Variants in UBE2D3 observed in about 807,000 individuals in gnomAD.
UBE2D3 encodes the protein ubiquitin conjugating enzyme E2 D3, also known as ubiquitin-conjugating enzyme E2 D3.
UBE2D3 carries 2 observed loss-of-function variants against 22.8 expected under a neutral mutation model. That is an observed-to-expected ratio of 0.09 (90% confidence interval 0.04 to 0.28). The LOEUF is 0.28. Ranked by LOEUF, UBE2D3 falls within the 10% of genes least tolerant of loss-of-function variation. The pLI is 1.00. For synonymous variants in UBE2D3, 56 were observed against 60.4 expected, an observed-to-expected ratio of 0.93 and a Z score of 0.34; for missense variants, 27 against 182.5, an observed-to-expected ratio of 0.15 and a Z score of 4.91.
At chr4:102,858,578 G>T (rs893574783) in intron 1 of UBE2D3, among the ~76,000 whole-genome samples, 1 of 151,690 alleles carries the variant, frequency 6.6e-6, no homozygotes, top group Non-Finnish European at 1.5e-5. Flanking sequence ...AGTCATTTTC[G>T]ACTTTAAAAA....
At position 102,851,187 on chromosome 4, in the gene UBE2D3, T is replaced by G. The variant is rs1050503062; in HGVS notation, c.-129+17528A>C. Among the ~76,000 whole-genome samples the G allele has an allele frequency of 2.6e-5, 4 of 152,278 alleles. No individual in the cohort carries two copies. In the East Asian group the frequency reaches 7.7e-4, roughly 29 times the overall value. On this transcript the variant is annotated intron_variant, in intron 1 of 7. Transcript: ENST00000338145. ...GTTCATGCATCTTTGCAATGTGCTTTTGCCACTTTTCCCATCAAAGGCTTT... is the reference window on the plus strand; with the variant it reads ...GTTCATGCATCTTTGCAATGTGCTTGTGCCACTTTTCCCATCAAAGGCTTT...
chr4:102,800,223 C>T (rs994317900), intron 6 of UBE2D3, among the ~76,000 whole-genome samples: 1 of 151,532 alleles, frequency 6.6e-6, no homozygotes, highest in African/African-American at 2.4e-5. Flanking sequence ...TGGTTCTGAC[C>T]GATTTTTTTT....
At chr4:102,840,368 A>G (rs1261375917) in intron 1 of UBE2D3, among the ~76,000 whole-genome samples, 1 of 152,272 alleles carries the variant, frequency 6.6e-6, no homozygotes, top group Non-Finnish European at 1.5e-5. Context: ...ACCTATGCAC[A>G]ATGAATACTA....
chr4:102,809,911 A>AGTCC, intron 2 of UBE2D3, 56 bp from the exon 3 acceptor site: 1 of 393,198 alleles, frequency 2.5e-6, no homozygotes, highest in Non-Finnish European at 3.3e-6. Flanking sequence ...GAAAACAAGC[A>AGTCC]AATGAGTCCA....
At chr4:102,818,466 CTTCT>C (rs1282312419) in intron 2 of UBE2D3, among the ~76,000 whole-genome samples, 3 of 152,136 alleles carry the variant, frequency 2.0e-5, no homozygotes, top group Non-Finnish European at 2.9e-5. Context: ...ACCCCTCTGC[CTTCT>C]TTCTAAGCTA....
intron 2 of UBE2D3, chr4:102,813,065 T>C (rs1213832297): frequency 1.3e-5 from 2 of 152,212 alleles, no homozygotes; most frequent in Non-Finnish European, 2.9e-5. Context: ...GTACTACCTT[T>C]AAAAATGTTA....
chr4:102,842,679 G>T (rs1316395825), intron 1 of UBE2D3, among the ~76,000 whole-genome samples: 1 of 152,164 alleles, frequency 6.6e-6, no homozygotes, highest in Non-Finnish European at 1.5e-5. Context: ...AAAGGCACTT[G>T]TTAGTGACAA....
At chr4:102,835,710 G>A (rs1336075774) in intron 1 of UBE2D3, among the ~76,000 whole-genome samples, 1 of 152,132 alleles carries the variant, frequency 6.6e-6, no homozygotes, top group East Asian at 1.9e-4. Context: ...GTTTTTAACA[G>A]CTTTATTGAA....
intron 4 of UBE2D3, chr4:102,808,967 TTCAGGAAGATACA>T (rs958321611): frequency 2.5e-5 from 4 of 157,982 alleles, no homozygotes; most frequent in African/African-American, 9.6e-5. Context: ...GAAGACAGTT[TTCAGGAAGATACA>T]CATGTAACTT....
intron 1 of UBE2D3, among the ~76,000 whole-genome samples, chr4:102,860,116 G>A (rs1223377313): frequency 6.6e-6 from 1 of 151,988 alleles, no homozygotes; most frequent in African/African-American, 2.4e-5. Flanking sequence ...CAAAGCACTG[G>A]GATTACAGGC....
At chr4:102,840,018 T>A (rs752455406) in intron 1 of UBE2D3, among the ~76,000 whole-genome samples, 3 of 152,168 alleles carry the variant, frequency 2.0e-5, no homozygotes, top group Non-Finnish European at 2.9e-5. Context: ...AATAAGTATA[T>A]GAAAAATGTG....
intron 4 of UBE2D3, among the ~76,000 whole-genome samples, chr4:102,805,296 T>G (rs185516627): frequency 6.6e-6 from 1 of 152,136 alleles, no homozygotes; most frequent in Non-Finnish European, 1.5e-5. Context: ...CTATTATGAA[T>G]CAGCAGCAAA....
rs189667829 is a variant in UBE2D3, at chr4:102,838,881, T to A, written c.-128-12245A>T. Among the ~76,000 whole-genome samples the A allele has an allele frequency of 3.3e-5, 5 of 149,372 alleles. No individual in the cohort carries two copies. The East Asian group carries it at 9.9e-4, about 30-fold the overall frequency. ...CTATCTAACCAAAATTCTATTCATG[T>A]GAGGGAGCAAAAGATGATACAAGAG... On this transcript the variant is annotated intron_variant, in intron 1 of 7. Coordinates refer to the UBE2D3 transcript ENST00000338145.
rs1416551849 is a variant in UBE2D3 at position 102,804,151 on chromosome 4, GA to G, written c.121-1514del. Among the ~76,000 whole-genome samples the G allele has an allele frequency of 6.4e-4, 97 of 151,872 alleles. 1 individual carries two copies. The highest frequency in any genetic ancestry group is 2.3e-3 in the African/African-American group (94 of 41,432). On this transcript the variant is annotated intron_variant, in intron 4 of 7. Transcript: ENST00000453744. ...TAGGGGTGGAGGGCGGGGGGAATGG[GA>G]ACGGGAAGGGGGACAAACAAGACGC...
Position 102,848,921 on chromosome 4 carries a change from C to CTGTGTG in UBE2D3, c.-129+19788_-129+19793dup, listed in dbSNP as rs147050383. Among the ~76,000 whole-genome samples the CTGTGTG allele has an allele frequency of 2.7e-3, 379 of 142,820 alleles. 1 individual carries two copies. Among genetic ancestry groups the CTGTGTG allele is most frequent in the African/African-American group, 5.3e-3 (207 of 38,698 alleles). 93.7% of individuals were successfully genotyped at this position (142,820 alleles called of 152,430 possible). ...TTCCTCTGATTGATTTTATGTGTGC[C>CTGTGTG]TGTGTGTGTGTGTGTGTGTGTGTGT... On this transcript the variant is annotated intron_variant, in intron 1 of 7. Transcript: ENST00000338145.
chr4:102,833,958 T>C (rs895086266), intron 1 of UBE2D3, among the ~76,000 whole-genome samples: 4 of 152,216 alleles, frequency 2.6e-5, no homozygotes, highest in Non-Finnish European at 4.4e-5. Flanking sequence ...TGAAGCCGAA[T>C]AGGAAGAATT....
At chr4:102,865,491 C>CAAAAAA (rs10604973) in intron 1 of UBE2D3, among the ~76,000 whole-genome samples, 1 of 66,734 alleles carries the variant, frequency 1.5e-5, no homozygotes, top group African/African-American at 5.8e-5. Flanking sequence ...CTGTCTCAAC[C>CAAAAAA]AAAAAAAAAA....
intron 1 of UBE2D3, among the ~76,000 whole-genome samples, chr4:102,854,372 A>AT (rs1157453964): frequency 2.0e-5 from 3 of 151,850 alleles, no homozygotes; most frequent in Admixed American, 2.0e-4. Flanking sequence ...ATTTTTACTG[A>AT]TTTTCTGCCT....
intron 2 of UBE2D3, among the ~76,000 whole-genome samples, chr4:102,818,010 C>T (rs956454431): frequency 1.3e-5 from 2 of 152,124 alleles, no homozygotes; most frequent in African/African-American, 4.8e-5. Flanking sequence ...GGAAGAGGAA[C>T]AGTGCCAAGA....
Sources: gnomAD v4.1 joint callset for allele counts (sites outside exome capture counted in the v4.1 genomes callset) on GRCh38, gnomAD v4.1.1 for gene constraint, MANE v1.5 for transcripts, NCBI Gene and HGNC (gene_info 2026-07-23, HGNC 2026-07-21) for gene names.